Variants in ACTL6A observed in about 807,000 individuals in gnomAD.
ACTL6A encodes the protein actin-like protein 6A.
ACTL6A carries 5 observed loss-of-function variants against 59.2 expected under a neutral mutation model. That is an observed-to-expected ratio of 0.08 (90% CI 0.04 to 0.18). The LOEUF (loss-of-function observed/expected upper bound fraction) is 0.18, where lower values mean the gene tolerates loss of function less well. Ranked by LOEUF, ACTL6A falls within the 10% of genes least tolerant of loss-of-function variation. The pLI is 1.00. For missense variants in ACTL6A, 285 were observed against 526.9 expected (o/e 0.54, Z 4.49); for synonymous variants, 154 against 171.8 (o/e 0.90, Z 0.81).
In ACTL6A at chr3:179,583,466, T is replaced by A. The variant is rs545909866; in HGVS notation, c.1122+18T>A. 1 of 1,573,274 alleles carries A rather than the reference T, an allele frequency of 6.4e-7. No homozygotes were observed. The highest frequency in any genetic ancestry group is 2.2e-5 in the East Asian group (1 of 44,560). ...CTCCTCCAGTAAGTTCTGTTTGTTC[T>A]TTAATGGTATTCTTCAGTCATATAT... On this transcript the variant is annotated intron_variant, in intron 12 of 13. Coordinates refer to ENST00000429709, the MANE Select transcript of ACTL6A (RefSeq NM_004301.5).
chr3:179,584,916 A>G (rs765122132), intron 12 of ACTL6A, among the ~76,000 whole-genome samples: 1 of 152,172 alleles, frequency 6.6e-6, no homozygotes, highest in African/African-American at 2.4e-5. Flanking sequence ...TGTATATTTA[A>G]TAGTCTTTTA....
At chr3:179,585,639 A>C (rs913764042) in intron 12 of ACTL6A, among the ~76,000 whole-genome samples, 1 of 151,838 alleles carries the variant, frequency 6.6e-6, no homozygotes, top group Non-Finnish European at 1.5e-5. Context: ...TACTCTACCC[A>C]CCCTTGCTGC....
At chr3:179,575,003 T>TTTTA (rs1021075894) in intron 5 of ACTL6A, 9 of 189,338 alleles carry the variant, frequency 4.8e-5, no homozygotes, top group South Asian at 9.6e-5. Flanking sequence ...ATCTTTCTAT[T>TTTTA]TTTATTTATT....
In ACTL6A at chr3:179,563,245, C is replaced by T. The variant is rs942066580; in HGVS notation, c.25+128C>T. On this transcript the variant is annotated intron_variant, in intron 1 of 13. Transcript: ENST00000429709. ...CCCTCTCGGGACCCCGGCCTCCCCG[C>T]CCCGTCCCCGCCCCACGCTCTGCCC... The T allele has an allele frequency of 2.0e-5, 28 of 1,425,150 alleles. No individual in the cohort carries two copies. The African/African-American group carries it at 3.2e-4, about 17-fold the overall frequency. The allele number at this position is 1,425,150 out of a possible 1,614,324, so 88.3% of individuals were successfully genotyped here. A position where few individuals can be genotyped will look rare whatever the true frequency, so the allele number is the denominator to read the frequency against.
intron 7 of ACTL6A, 35 bp downstream of exon 7, chr3:179,576,761 C>T (rs768017323): frequency 1.2e-6 from 2 of 1,607,980 alleles, no homozygotes; most frequent in Non-Finnish European, 1.7e-6. Context: ...GTAGAACTTA[C>T]TTCTAGCTCC....
rs1379387490 is a variant in ACTL6A at position 179,580,923 on chromosome 3, A to G, written c.860A>G (p.Tyr287Cys). Residue 287 changes from tyrosine (Y) to cysteine (C), a missense_variant, in exon 10 of 14, where the codon TAT becomes TGT. Physicochemically the swap from Tyr to Cys is radical, Grantham distance 194 (BLOSUM62 -2). Transcript: ENST00000429709. Reference protein sequence around the residue: ...QVAAQMPTVHYEFPNGYNCDF... With the variant: ...QVAAQMPTVHCEFPNGYNCDF... ...GCTGCACAGATGCCAACTGTTCATT[A>G]TGAATTCCCCAATGGCTACAATTGT... 2 of 1,587,196 alleles carry G rather than the reference A, an allele frequency of 1.3e-6. No individual in the cohort carries two copies. Among genetic ancestry groups the G allele is most frequent in the African/African-American group, 1.4e-5 (1 of 72,776 alleles).
chr3:179,574,374 A>C lies in ACTL6A; in HGVS notation c.383A>C (p.Asn128Thr). The change falls in exon 5 of 14, where the codon AAT becomes ACT. Residue 128 changes from asparagine to threonine, a missense_variant. By Grantham distance (65) the Asn-to-Thr change is moderately conservative (BLOSUM62 0). Transcript: ENST00000429709. ...HPVLMSEAPWNTRAKREKLTE... is the reference protein window; with the variant it reads ...HPVLMSEAPWTTRAKREKLTE... ...TCTTTTTCCCCTCTTCTCAAGTGGA[A>C]TACTAGAGCAAAGAGAGAGAAACTG... 1 of 1,602,638 alleles carries C rather than the reference A, an allele frequency of 6.2e-7. No homozygotes were observed. Among genetic ancestry groups the C allele is most frequent in the Non-Finnish European group, 8.5e-7 (1 of 1,169,918 alleles).
At chr3:179,571,720 GC>G (rs1300614344) in intron 3 of ACTL6A, among the ~76,000 whole-genome samples, 2 of 152,164 alleles carry the variant, frequency 1.3e-5, no homozygotes, top group Admixed American at 1.3e-4. Context: ...GAACTCTGAG[GC>G]TCAGTACCCA....
intron 12 of ACTL6A, 79 bp from the exon 13 acceptor site, chr3:179,586,467 G>GAAAA: frequency 9.3e-6 from 7 of 749,432 alleles, no homozygotes; most frequent in Admixed American, 4.4e-5. Context: ...GTCTCTATTT[G>GAAAA]AAAAAAAAAA....
At chr3:179,573,158 T>TG (rs1161507570) in intron 3 of ACTL6A, 2 of 401,342 alleles carry the variant, frequency 5.0e-6, no homozygotes, top group African/African-American at 4.2e-5. Flanking sequence ...GGGACAGGTC[T>TG]GGGGGCTGGA....
rs1718577008 is a variant in ACTL6A, at chr3:179,588,394, A to C, written c.*384A>C. The C allele has an allele frequency of 5.4e-6, 1 of 186,806 alleles. No homozygotes were observed. Among genetic ancestry groups the C allele is most frequent in the Non-Finnish European group, 1.1e-5 (1 of 91,712 alleles). 11.6% of individuals were successfully genotyped at this position (186,806 alleles called of 1,614,324 possible). A position where few individuals can be genotyped will look rare whatever the true frequency, so the allele number is the denominator to read the frequency against. ...TTACAGAATTAAATAAAAATTAGCC[A>C]TTCCAGAAATATATTTTGGACTGTT... On this transcript the variant is annotated 3_prime_UTR_variant, in exon 14 of 14. Transcript: ENST00000429709.
intron 1 of ACTL6A, among the ~76,000 whole-genome samples, chr3:179,567,753 C>G (rs1373060591): frequency 1.3e-5 from 2 of 152,148 alleles, no homozygotes; most frequent in African/African-American, 4.8e-5. Flanking sequence ...TAAGGACCCC[C>G]TAGTTTCTGA....
intron 1 of ACTL6A, 38 bp downstream of exon 1, chr3:179,563,155 C>G: frequency 6.3e-7 from 1 of 1,598,874 alleles, no homozygotes; most frequent in Non-Finnish European, 8.5e-7. Context: ...CGCGCCTTTT[C>G]GGCGTGTGGG....
intron 1 of ACTL6A, among the ~76,000 whole-genome samples, chr3:179,568,225 C>T (rs1445869080): frequency 1.3e-5 from 2 of 148,866 alleles, no homozygotes; most frequent in Non-Finnish European, 3.0e-5. Flanking sequence ...TGTCTCTTAA[C>T]TGATACTTGC....
At position 179,576,456 on chromosome 3, in the gene ACTL6A, A is replaced by G. The variant is rs1576853800; in HGVS notation, c.571+145A>G. 21 of 783,800 alleles carry G rather than the reference A, an allele frequency of 2.7e-5. No homozygotes were observed. The East Asian group carries it at 5.4e-4, about 20-fold the overall frequency. 48.6% of individuals were successfully genotyped at this position (783,800 alleles called of 1,614,324 possible). On this transcript the variant is annotated intron_variant, in intron 6 of 13. Transcript: ENST00000429709. ...TAAGTATGTTAAAAATCTTTAGTAT[A>G]TAATGTATATTTAAAACTGATGCAT... is the stretch of plus-strand genomic sequence containing the variant.
Position 179,568,378 on chromosome 3 carries a change from A to G in ACTL6A, c.26-1446A>G, listed in dbSNP as rs375452634. ...ATACTGCATTCACCAGTGAGATTAA[A>G]TAGATGTCATATTTTGCCATATTAA... is the stretch of plus-strand genomic sequence containing the variant. On this transcript the variant is annotated intron_variant, in intron 1 of 13. Transcript: ENST00000429709. 1.2e-3 allele frequency among the ~76,000 whole-genome samples: 185 copies of G among 152,280 alleles called. 1 individual carries two copies. Among genetic ancestry groups the G allele is most frequent in the African/African-American group, 4.1e-3 (172 of 41,562 alleles).
intron 13 of ACTL6A, 138 bp from the exon 14 acceptor site, chr3:179,587,792 A>G (rs1576862248): frequency 1.6e-6 from 1 of 619,030 alleles, no homozygotes; most frequent in East Asian, 3.2e-5. Flanking sequence ...AAGAAGTTCG[A>G]GGTTGTAAGC....
intron 1 of ACTL6A, among the ~76,000 whole-genome samples, chr3:179,564,086 C>T (rs1380882783): frequency 6.6e-6 from 1 of 152,154 alleles, no homozygotes; most frequent in Non-Finnish European, 1.5e-5. Context: ...ACCTGCAAGC[C>T]TGTTAGAAAT....
chr3:179,583,307 T>C lies in ACTL6A; in HGVS notation c.1027-46T>C, dbSNP rs759941252. The C allele has an allele frequency of 5.5e-6, 8 of 1,453,354 alleles. No individual in the cohort carries two copies. In the East Asian group the frequency reaches 1.1e-4, roughly 21 times the overall value. The allele number at this position is 1,453,354 out of a possible 1,614,324, so 90.0% of individuals were successfully genotyped here. A position where few individuals can be genotyped will look rare whatever the true frequency, so the allele number is the denominator to read the frequency against. ...TATTTGTAGTTGTATTTAAAACTTT[T>C]GGAAACATATGGAACTAATTGATTT... On this transcript the variant is annotated intron_variant, in intron 11 of 13. Coordinates refer to ENST00000429709, the MANE Select transcript of ACTL6A (RefSeq NM_004301.5).
Sources: allele counts gnomAD v4.1 joint callset (sites outside exome capture counted in the v4.1 genomes callset), GRCh38; gene constraint gnomAD v4.1.1; transcripts MANE v1.5; gene names NCBI Gene and HGNC (gene_info 2026-07-23, HGNC 2026-07-21).